SOCS5: variants seen among roughly 807,000 people sequenced by gnomAD.
SOCS5 encodes CIS-6.
A neutral mutation model predicts 42.8 loss-of-function variants in SOCS5; 32 were observed. The observed-to-expected ratio is 0.75, with a 90% CI of 0.56 to 1.01. SOCS5 has a LOEUF of 1.01. Ranked by LOEUF, SOCS5 falls within the 50% of genes least tolerant of loss-of-function variation. The pLI is 0.00. For synonymous variants in SOCS5, 283 were observed against 229.6 expected, an observed-to-expected ratio of 1.23 and a Z score of -2.10; for missense variants, 627 against 653.0, an observed-to-expected ratio of 0.96 and a Z score of 0.43.
rs1673865485 is a variant in SOCS5, at chr2:46,761,379, CT to C, written c.*1239del. The C allele has an allele frequency of 6.0e-6, 1 of 167,102 alleles. No individual in the cohort carries two copies. The allele number at this position is 167,102 out of a possible 1,614,324, so 10.4% of individuals were successfully genotyped here. On this transcript the variant is annotated 3_prime_UTR_variant, in exon 2 of 2. Coordinates refer to ENST00000394861, the MANE Select transcript of SOCS5 (RefSeq NM_144949.3). The stretch of plus-strand genomic sequence containing the variant: ...TTGCACTAAAGTAGCCGAATCCACT[CT>C]CATGTCTTTTCGTTAATGTGCTCTG...
At position 46,759,334 on chromosome 2, in the gene SOCS5, G is replaced by A. The variant is rs142741959; in HGVS notation, c.804G>A (p.Arg268=). 1.2e-6 allele frequency: 2 copies of A among 1,613,824 alleles called. No individual in the cohort carries two copies. The highest frequency in any genetic ancestry group is 1.7e-6 in the Non-Finnish European group (2 of 1,179,818). ...AAGAAGATAGGCTTAGAGAGAGAAGGCGGCTTAGTATTGAAGAAGGGGTTG... is the reference window on the plus strand; with the variant it reads ...AAGAAGATAGGCTTAGAGAGAGAAGACGGCTTAGTATTGAAGAAGGGGTTG... ...EDEEDRLRER[R]RLSIEEGVDP... is the part of the protein sequence containing the mutation. The change falls in exon 2 of 2, where the codon AGG becomes AGA. Residue 268 remains arginine (R), a synonymous_variant. Transcript: ENST00000394861.
At chr2:46,750,096 A>G (rs552918473) in intron 1 of SOCS5, among the ~76,000 whole-genome samples, 7 of 152,330 alleles carry the variant, frequency 4.6e-5, no homozygotes, top group Admixed American at 3.3e-4. Flanking sequence ...ATGAAGAAAG[A>G]CATTCAAGGT....
intron 1 of SOCS5, among the ~76,000 whole-genome samples, chr2:46,710,442 G>A (rs1183626244): frequency 1.3e-5 from 2 of 152,106 alleles, no homozygotes; most frequent in Non-Finnish European, 2.9e-5. Context: ...GCAGTGCCTG[G>A]CCTCCTTTAA....
chr2:46,706,939 T>C (rs929516224), intron 1 of SOCS5, among the ~76,000 whole-genome samples: 14 of 152,222 alleles, frequency 9.2e-5, no homozygotes, highest in African/African-American at 3.4e-4. Context: ...GATTTTGGAA[T>C]CTCAGAGTGA....
At chr2:46,714,474 A>T (rs889226136) in intron 1 of SOCS5, among the ~76,000 whole-genome samples, 1 of 152,216 alleles carries the variant, frequency 6.6e-6, no homozygotes, top group South Asian at 2.1e-4. Context: ...TATTTACATG[A>T]TATATCTTTT....
chr2:46,758,966 C>T lies in SOCS5; in HGVS notation c.436C>T (p.Arg146Ter). The T allele has an allele frequency of 6.2e-7, 1 of 1,613,894 alleles. No individual in the cohort carries two copies. The highest frequency in any genetic ancestry group is 8.5e-7 in the Non-Finnish European group (1 of 1,179,824). Reference protein sequence around the residue: ...LDADKKFGRTRSGLQRRERRY... With the variant: ...LDADKKFGRT The stretch of plus-strand genomic sequence containing the variant: ...TGCTGATAAAAAGTTTGGTAGAACT[C>T]GAAGTGGACTTCAAAGGAGAGAGAG... The change falls in exon 2 of 2, where the codon CGA (arginine) becomes TGA (stop). Residue 146 changes from arginine (R) to a stop codon, truncating the protein, a stop_gained. Transcript: ENST00000394861. LOFTEE classifies it high-confidence loss of function.
chr2:46,717,896 T>C (rs984389871), intron 1 of SOCS5, among the ~76,000 whole-genome samples: 2 of 152,230 alleles, frequency 1.3e-5, no homozygotes, highest in Non-Finnish European at 2.9e-5. Flanking sequence ...CTAGATGTTA[T>C]TCTTTCACTG....
intron 1 of SOCS5, among the ~76,000 whole-genome samples, chr2:46,722,173 A>G (rs1270643354): frequency 6.6e-6 from 1 of 152,072 alleles, no homozygotes; most frequent in Non-Finnish European, 1.5e-5. Flanking sequence ...TGGGTGGTTG[A>G]AAGATATGCT....
intron 1 of SOCS5, among the ~76,000 whole-genome samples, chr2:46,719,668 T>C (rs1672836798): frequency 6.6e-6 from 1 of 152,210 alleles, no homozygotes; most frequent in Admixed American, 6.5e-5. Context: ...AGGAACTCAC[T>C]GTAGTGACTC....
At chr2:46,705,141 CT>C (rs985661600) in intron 1 of SOCS5, among the ~76,000 whole-genome samples, 4 of 152,194 alleles carry the variant, frequency 2.6e-5, no homozygotes, top group African/African-American at 9.7e-5. Context: ...TTTTAAAACA[CT>C]TTTACTTACT....
intron 1 of SOCS5, among the ~76,000 whole-genome samples, chr2:46,714,212 C>T (rs1359017561): frequency 6.6e-6 from 1 of 152,176 alleles, no homozygotes; most frequent in Non-Finnish European, 1.5e-5. Context: ...GTCTGTGGTT[C>T]TGTCAACTAT....
chr2:46,749,609 C>G (rs980005915), intron 1 of SOCS5, among the ~76,000 whole-genome samples: 1 of 152,122 alleles, frequency 6.6e-6, no homozygotes, highest in Non-Finnish European at 1.5e-5. Flanking sequence ...TGTACAGTAT[C>G]TATAGAGCAA....
chr2:46,744,279 C>G (rs1458521226), intron 1 of SOCS5, among the ~76,000 whole-genome samples: 1 of 152,138 alleles, frequency 6.6e-6, no homozygotes, highest in Non-Finnish European at 1.5e-5. Flanking sequence ...CATGAGCCAC[C>G]ACACCCAGCC....
chr2:46,724,480 T>C (rs1431270823), intron 1 of SOCS5, among the ~76,000 whole-genome samples: 1 of 151,992 alleles, frequency 6.6e-6, no homozygotes, highest in Admixed American at 6.5e-5. Context: ...GATTACTGAT[T>C]TGATAAGTTT....
chr2:46,703,616 A>G (rs1672395209), intron 1 of SOCS5, among the ~76,000 whole-genome samples: 1 of 152,120 alleles, frequency 6.6e-6, no homozygotes, highest in Non-Finnish European at 1.5e-5. Flanking sequence ...TCATTTTTTC[A>G]TTAGGTTGGA....
intron 1 of SOCS5, among the ~76,000 whole-genome samples, chr2:46,728,473 A>G (rs950617185): frequency 2.6e-5 from 4 of 152,184 alleles, no homozygotes; most frequent in African/African-American, 4.8e-5. Flanking sequence ...TAATTCTCCA[A>G]TAATTTTCCT....
chr2:46,756,583 G>A (rs142301399), intron 1 of SOCS5, among the ~76,000 whole-genome samples: 1 of 152,308 alleles, frequency 6.6e-6, no homozygotes, highest in East Asian at 1.9e-4. Context: ...AAATTTTCTA[G>A]TAGCCACATG....
intron 1 of SOCS5, among the ~76,000 whole-genome samples, chr2:46,741,991 C>T (rs1185090017): frequency 6.6e-6 from 1 of 152,160 alleles, no homozygotes; most frequent in Non-Finnish European, 1.5e-5. Flanking sequence ...TCATGTGGAT[C>T]TATGTTCTCA....
At chr2:46,746,852 C>T (rs1048731800) in intron 1 of SOCS5, among the ~76,000 whole-genome samples, 2 of 147,422 alleles carry the variant, frequency 1.4e-5, no homozygotes, top group East Asian at 2.0e-4. Flanking sequence ...TTAGGGTTTG[C>T]TATGTAGACA....
Sources: gnomAD v4.1 joint callset for allele counts (sites outside exome capture counted in the v4.1 genomes callset) on GRCh38, gnomAD v4.1.1 for gene constraint, MANE v1.5 for transcripts, NCBI Gene and HGNC (gene_info 2026-07-23, HGNC 2026-07-21) for gene names.